Variants in CYP39A1 observed in about 807,000 individuals in gnomAD.
CYP39A1 encodes 24-hydroxycholesterol 7-alpha-hydroxylase.
A neutral mutation model predicts 58.1 loss-of-function variants in CYP39A1; 49 were observed. The observed-to-expected ratio is 0.84, with a 90% CI of 0.67 to 1.07. The LOEUF is 1.07. Among genes scored for constraint, CYP39A1 ranks in the 50% least tolerant of loss-of-function variants. CYP39A1 has a pLI of 0.00. For missense variants in CYP39A1, 531 were observed against 539.4 expected (o/e 0.98, Z 0.16); for synonymous variants, 209 against 187.6 (o/e 1.11, Z -0.93).
chr6:46,625,373 A>C, intron 7 of CYP39A1, 45 bp downstream of exon 7: 1 of 1,330,486 alleles, frequency 7.5e-7, no homozygotes, highest in Non-Finnish European at 1.1e-6. Flanking sequence ...TGTGTGACAA[A>C]CATGCATTAT....
intron 10 of CYP39A1, among the ~76,000 whole-genome samples, chr6:46,570,421 T>A (rs1231807295): frequency 2.0e-5 from 3 of 152,138 alleles, no homozygotes; most frequent in African/African-American, 7.2e-5. Flanking sequence ...TAAATTTACA[T>A]TGTTTATTTG....
chr6:46,599,234 A>G (rs1459190264), intron 7 of CYP39A1, among the ~76,000 whole-genome samples: 4 of 152,188 alleles, frequency 2.6e-5, no homozygotes, highest in Non-Finnish European at 4.4e-5. Context: ...ACAGAGAACT[A>G]AAAGTGGTTA....
At chr6:46,606,437 C>T (rs992460560) in intron 7 of CYP39A1, among the ~76,000 whole-genome samples, 2 of 152,118 alleles carry the variant, frequency 1.3e-5, no homozygotes, top group Admixed American at 1.3e-4. Context: ...TAGCTCCGTA[C>T]CCATACTGTG....
rs138918330 is a variant in CYP39A1 at position 46,551,459 on chromosome 6, T to C, written c.1339-1022A>G. 2.6e-3 allele frequency among the ~76,000 whole-genome samples: 390 copies of C among 152,054 alleles called. 2 individuals are homozygous for C. The highest frequency in any genetic ancestry group is 9.1e-3 in the African/African-American group (377 of 41,476). ...CTTTTGCAAGAGAATTAAAGTTGAC[T>C]TTTCCTTAATGCTCAAAATGGAACA... On this transcript the variant is annotated intron_variant, in intron 11 of 11. Coordinates refer to ENST00000275016, the MANE Select transcript of CYP39A1 (RefSeq NM_016593.5).
intron 10 of CYP39A1, among the ~76,000 whole-genome samples, chr6:46,580,616 C>G (rs1362439542): frequency 6.6e-6 from 1 of 152,084 alleles, no homozygotes; most frequent in Non-Finnish European, 1.5e-5. Flanking sequence ...TCACAAAGGT[C>G]TAATATCCAG....
intron 1 of CYP39A1, among the ~76,000 whole-genome samples, chr6:46,649,741 C>G (rs180835191): frequency 6.6e-6 from 1 of 152,176 alleles, no homozygotes; most frequent in Admixed American, 6.5e-5. Flanking sequence ...GGAGTGAGAA[C>G]TGGGTGGAAG....
chr6:46,645,495 T>C (rs1762267328), intron 1 of CYP39A1, among the ~76,000 whole-genome samples: 4 of 152,184 alleles, frequency 2.6e-5, no homozygotes, highest in Admixed American at 2.6e-4. Context: ...CATGTTTGTG[T>C]GGCTCTATCT....
At chr6:46,580,726 T>C (rs1772088102) in intron 10 of CYP39A1, among the ~76,000 whole-genome samples, 1 of 151,922 alleles carries the variant, frequency 6.6e-6, no homozygotes, top group Non-Finnish European at 1.5e-5. Flanking sequence ...GAAATACACA[T>C]GGGAAACAAG....
At chr6:46,634,524 C>CTTTT (rs55887439) in intron 5 of CYP39A1, among the ~76,000 whole-genome samples, 3 of 131,274 alleles carry the variant, frequency 2.3e-5, no homozygotes, top group Admixed American at 7.9e-5. Context: ...TTTCTTTTTG[C>CTTTT]TTTTTTTTTT....
intron 10 of CYP39A1, among the ~76,000 whole-genome samples, chr6:46,558,991 T>A (rs1176406128): frequency 2.5e-5 from 3 of 119,172 alleles, no homozygotes; most frequent in African/African-American, 6.7e-5. Context: ...CAAGACTCCA[T>A]CTCAAAAAAA....
intron 7 of CYP39A1, among the ~76,000 whole-genome samples, chr6:46,614,798 C>T (rs1166195759): frequency 6.6e-6 from 1 of 152,074 alleles, no homozygotes; most frequent in Non-Finnish European, 1.5e-5. Context: ...TTTAAGAGGG[C>T]TGGACAACCA....
intron 10 of CYP39A1, chr6:46,583,056 G>A: frequency 1.0e-6 from 1 of 985,136 alleles, no homozygotes; most frequent in Non-Finnish European, 1.2e-6. Context: ...CCATGACTTT[G>A]TGGCCTAGGA....
intron 1 of CYP39A1, among the ~76,000 whole-genome samples, chr6:46,644,859 A>C (rs2150604080): frequency 6.6e-6 from 1 of 152,310 alleles, no homozygotes; most frequent in South Asian, 2.1e-4. Flanking sequence ...GTAGTATCTC[A>C]TGATTTTAAT....
rs577022969 is a variant in CYP39A1 at position 46,584,174 on chromosome 6, AAATAAGT to A, written c.1250+2896_1250+2902del. Reference sequence around the variant, plus strand: ...AAACATTTCATGCATTGGCTGTTTAAAATAAGTAATAAGTAATAAGACAAAATTAAGG... The same window carrying A: ...AAACATTTCATGCATTGGCTGTTTAAAATAAGTAATAAGACAAAATTAAGG... On this transcript the variant is annotated intron_variant, in intron 10 of 11. Coordinates refer to ENST00000275016, the MANE Select transcript of CYP39A1 (RefSeq NM_016593.5). 1.1e-4 allele frequency among the ~76,000 whole-genome samples: 17 copies of A among 152,316 alleles called. No individual in the cohort carries two copies. The South Asian group carries it at 1.2e-3, about 11-fold the overall frequency.
intron 2 of CYP39A1, among the ~76,000 whole-genome samples, chr6:46,641,019 T>G (rs1042573089): frequency 1.3e-5 from 2 of 151,930 alleles, no homozygotes; most frequent in Non-Finnish European, 2.9e-5. Context: ...TATGCTACTA[T>G]ACATCTTCTG....
At chr6:46,637,772 T>C in intron 4 of CYP39A1, 57 bp downstream of exon 4, 2 of 1,550,510 alleles carry the variant, frequency 1.3e-6, no homozygotes, top group South Asian at 1.2e-5. Flanking sequence ...AAATGAGAGG[T>C]GTTGAATTGC....
Position 46,570,424 on chromosome 6 carries a change from T to C in CYP39A1, c.1251-16570A>G, listed in dbSNP as rs138480968. ...TTCCTTGAGGTGTAAATTTACATTG[T>C]TTATTTGAGGTCTTTCTTTATTCTT... On this transcript the variant is annotated intron_variant, in intron 10 of 11. Coordinates refer to ENST00000275016, the MANE Select transcript of CYP39A1 (RefSeq NM_016593.5). Among the ~76,000 whole-genome samples, 389 of 152,264 alleles carry C rather than the reference T, an allele frequency of 2.6e-3. 2 individuals are homozygous for C. Among genetic ancestry groups the C allele is most frequent in the African/African-American group, 9.0e-3 (375 of 41,550 alleles).
intron 11 of CYP39A1, among the ~76,000 whole-genome samples, chr6:46,553,063 AC>A (rs1315275932): frequency 7.1e-5 from 6 of 84,882 alleles, no homozygotes; most frequent in Non-Finnish European, 1.5e-4. Context: ...ATAAAAAACA[AC>A]CCCCCAACCA....
At chr6:46,638,507 A>G (rs1776135331) in intron 3 of CYP39A1, among the ~76,000 whole-genome samples, 1 of 152,076 alleles carries the variant, frequency 6.6e-6, no homozygotes, top group Non-Finnish European at 1.5e-5. Context: ...AGCATACTTA[A>G]GATAAAGAAT....
Sources: gnomAD v4.1 joint callset for allele counts (sites outside exome capture counted in the v4.1 genomes callset) on GRCh38, gnomAD v4.1.1 for gene constraint, MANE v1.5 for transcripts, NCBI Gene and HGNC (gene_info 2026-07-23, HGNC 2026-07-21) for gene names.